Variants in CTNNA3 observed in about 807,000 individuals in gnomAD.
CTNNA3 encodes the protein catenin alpha 3.
A neutral mutation model predicts 95.7 loss-of-function variants in CTNNA3; 76 were observed. The ratio of observed to expected loss-of-function variants is 0.79; its 90% confidence interval spans 0.66 to 0.96. The LOEUF (loss-of-function observed/expected upper bound fraction) is 0.96, where lower values mean the gene tolerates loss of function less well. CTNNA3 is among the 40% of genes least tolerant of loss of function. The pLI is 0.00. For synonymous variants in CTNNA3, 431 were observed against 374.4 expected (o/e 1.15, Z -1.74); for missense variants, 1,191 against 1,089.8 (o/e 1.09, Z -1.31).
intron 8 of CTNNA3, among the ~76,000 whole-genome samples, chr10:66,773,465 C>T (rs898761166): frequency 2.0e-5 from 3 of 152,122 alleles, no homozygotes; most frequent in African/African-American, 7.2e-5. Context: ...CATGGAGAGG[C>T]CCTAAAACAT....
At chr10:66,012,628 A>C (rs1296663909) in intron 15 of CTNNA3, among the ~76,000 whole-genome samples, 1 of 152,202 alleles carries the variant, frequency 6.6e-6, no homozygotes, top group Non-Finnish European at 1.5e-5. Flanking sequence ...AATGCCTTTG[A>C]CCTATACCAT....
intron 10 of CTNNA3, among the ~76,000 whole-genome samples, chr10:66,528,912 GAA>G: frequency 6.6e-6 from 1 of 151,906 alleles, no homozygotes; most frequent in East Asian, 1.9e-4. Context: ...AAAAAGAAAA[GAA>G]AAAAGTTTTA....
At chr10:67,645,117 T>A (rs1408624963) in intron 2 of CTNNA3, among the ~76,000 whole-genome samples, 2 of 152,108 alleles carry the variant, frequency 1.3e-5, no homozygotes, top group Non-Finnish European at 2.9e-5. Context: ...TCCTTCTAAT[T>A]TTATAGGTGA....
At chr10:67,261,553 A>G (rs899714602) in intron 5 of CTNNA3, among the ~76,000 whole-genome samples, 14 of 152,296 alleles carry the variant, frequency 9.2e-5, no homozygotes, top group African/African-American at 3.4e-4. Context: ...GAGGAAACAG[A>G]GGTATGCTTT....
intron 5 of CTNNA3, among the ~76,000 whole-genome samples, chr10:67,270,289 C>G (rs1361337633): frequency 6.6e-6 from 1 of 151,952 alleles, no homozygotes; most frequent in Non-Finnish European, 1.5e-5. Flanking sequence ...AACATAATTC[C>G]TCTTATTTTA....
intron 1 of CTNNA3, chr10:67,751,103 T>C: frequency 7.1e-7 from 1 of 1,409,038 alleles, no homozygotes; most frequent in Non-Finnish European, 1.0e-6. Flanking sequence ...TTGAGAACAT[T>C]CAGGCCTTTG....
At chr10:66,181,862 A>T (rs1456776353) in intron 13 of CTNNA3, among the ~76,000 whole-genome samples, 3 of 152,188 alleles carry the variant, frequency 2.0e-5, no homozygotes, top group Admixed American at 6.5e-5. Flanking sequence ...ATAATATTTT[A>T]AAAATCCCCA....
intron 7 of CTNNA3, among the ~76,000 whole-genome samples, chr10:67,122,326 A>G (rs1174968653): frequency 6.6e-6 from 1 of 152,138 alleles, no homozygotes; most frequent in Non-Finnish European, 1.5e-5. Flanking sequence ...AAAAAGATTT[A>G]CAATAACATA....
At chr10:66,728,748 C>CA (rs1308200595) in intron 9 of CTNNA3, among the ~76,000 whole-genome samples, 1 of 152,054 alleles carries the variant, frequency 6.6e-6, no homozygotes, top group African/African-American at 2.4e-5. Context: ...CAACCATGCC[C>CA]AGCTAATTTT....
intron 5 of CTNNA3, among the ~76,000 whole-genome samples, chr10:67,419,081 T>C (rs1454563029): frequency 1.3e-5 from 2 of 152,204 alleles, no homozygotes; most frequent in African/African-American, 4.8e-5. Flanking sequence ...ATAGTAATTG[T>C]GAGGTTCTTC....
chr10:66,099,600 C>T (rs918343141), intron 14 of CTNNA3, among the ~76,000 whole-genome samples: 1 of 152,106 alleles, frequency 6.6e-6, no homozygotes, highest in Non-Finnish European at 1.5e-5. Context: ...GTCTCATAAA[C>T]TTAACTTATG....
chr10:66,176,730 A>C (rs936383590), intron 13 of CTNNA3, among the ~76,000 whole-genome samples: 6 of 152,008 alleles, frequency 3.9e-5, no homozygotes, highest in Non-Finnish European at 7.4e-5. Context: ...ATGAACCAGA[A>C]AGTAGAACCT....
chr10:65,990,387 A>ATC (rs2078518567), intron 15 of CTNNA3, among the ~76,000 whole-genome samples: 1 of 144,708 alleles, frequency 6.9e-6, no homozygotes, highest in Non-Finnish European at 1.5e-5. Flanking sequence ...CTTTGCCAGC[A>ATC]TCTGTTTTTT....
At chr10:67,695,742 A>C (rs1840951872) in intron 1 of CTNNA3, among the ~76,000 whole-genome samples, 1 of 152,206 alleles carries the variant, frequency 6.6e-6, no homozygotes, top group South Asian at 2.1e-4. Context: ...AAACTCTCTG[A>C]ATGCAAAGCA....
At chr10:66,735,265 C>T (rs1357241595) in intron 9 of CTNNA3, among the ~76,000 whole-genome samples, 1 of 151,720 alleles carries the variant, frequency 6.6e-6, no homozygotes, top group Non-Finnish European at 1.5e-5. Context: ...TGGTAGCTTT[C>T]CATACTTTTG....
At chr10:66,444,821 A>C (rs9415850) in intron 11 of CTNNA3, among the ~76,000 whole-genome samples, 2 of 152,174 alleles carry the variant, frequency 1.3e-5, no homozygotes, top group East Asian at 3.9e-4. Context: ...ATTCACACAT[A>C]ACACTTAACT....
At chr10:66,025,205 A>T (rs1200618189) in intron 15 of CTNNA3, among the ~76,000 whole-genome samples, 1 of 152,204 alleles carries the variant, frequency 6.6e-6, no homozygotes, top group Non-Finnish European at 1.5e-5. Flanking sequence ...AAGCTCTCTC[A>T]GTTGGTTAGA....
chr10:66,940,914 A>G (rs562775788), intron 7 of CTNNA3, among the ~76,000 whole-genome samples: 19 of 152,362 alleles, frequency 1.2e-4, no homozygotes, highest in Non-Finnish European at 2.4e-4. Context: ...AACAGTATGC[A>G]GCCTGCAGTA....
At chr10:67,505,967 C>T (rs934504747) in intron 5 of CTNNA3, among the ~76,000 whole-genome samples, 3 of 152,026 alleles carry the variant, frequency 2.0e-5, no homozygotes, top group South Asian at 4.1e-4. Flanking sequence ...AAAAGAAATG[C>T]AATATTACAA....
Sources: allele counts gnomAD v4.1 joint callset (sites outside exome capture counted in the v4.1 genomes callset), GRCh38; gene constraint gnomAD v4.1.1; transcripts MANE v1.5; gene names NCBI Gene and HGNC (gene_info 2026-07-23, HGNC 2026-07-21).